ZNF783: variants seen among roughly 807,000 people sequenced by gnomAD.
The protein encoded by ZNF783 is protein ZNF783.
Under a neutral mutation model 31.3 loss-of-function variants are expected in ZNF783, and 25 were observed. That is an observed-to-expected ratio of 0.80 (90% CI 0.58 to 1.11). The LOEUF is 1.11. ZNF783 is among the 50% of genes most tolerant of loss of function. The probability of loss-of-function intolerance (pLI) is 0.00; values close to 1 mark genes in which losing one functional copy is unlikely to be tolerated. For synonymous variants in ZNF783, 369 were observed against 319.1 expected (o/e 1.16, Z -1.66); for missense variants, 797 against 760.0 (o/e 1.05, Z -0.57).
Position 149,266,532 on chromosome 7 carries a change from C to G in ZNF783, c.222C>G (p.Ala74=), listed in dbSNP as rs367827730. ...CTCTGGAGGGGCGCACGGGGACAGC[C>G]GAGAAGAAGCTGGCCGACTGCGAGA... is the stretch of plus-strand genomic sequence containing the variant. ...LLTLEGRTGT[A]EKKLADCEKT... is the part of the protein sequence containing the mutation. The change falls in exon 2 of 6, where the codon GCC becomes GCG. Residue 74 remains alanine, a synonymous_variant. Coordinates refer to ENST00000434415, the MANE Select transcript of ZNF783 (RefSeq NM_001195220.2). The G allele has an allele frequency of 6.2e-7, 1 of 1,613,978 alleles. No individual in the cohort carries two copies. Among genetic ancestry groups the G allele is most frequent in the Non-Finnish European group, 8.5e-7 (1 of 1,179,926 alleles).
intron 4 of ZNF783, among the ~76,000 whole-genome samples, chr7:149,272,074 G>A (rs945783133): frequency 7.9e-5 from 12 of 152,182 alleles, no homozygotes; most frequent in Non-Finnish European, 1.8e-4. Flanking sequence ...CTGGAGTGCA[G>A]TGGCACGATC....
chr7:149,266,518 C>A lies in ZNF783; in HGVS notation c.208C>A (p.Arg70Ser), dbSNP rs371590702. The part of the protein sequence containing the change: ...CLTRLLTLEG[R>S]TGTAEKKLAD... ...GACCCGCTTGCTGACTCTGGAGGGGCGCACGGGGACAGCCGAGAAGAAGCT... is the reference window on the plus strand; with the variant it reads ...GACCCGCTTGCTGACTCTGGAGGGGAGCACGGGGACAGCCGAGAAGAAGCT... Residue 70 changes from arginine to serine, a missense_variant, in exon 2 of 6, where the codon CGC becomes AGC. Physicochemically the swap from Arg to Ser is moderately radical, Grantham distance 110 (BLOSUM62 -1). Coordinates refer to ENST00000434415, the MANE Select transcript of ZNF783 (RefSeq NM_001195220.2). 2 of 1,614,004 alleles carry A rather than the reference C, an allele frequency of 1.2e-6. No homozygotes were observed. The highest frequency in any genetic ancestry group is 8.5e-7 in the Non-Finnish European group (1 of 1,180,030).
At chr7:149,280,264 T>C (rs916962848) in intron 5 of ZNF783, among the ~76,000 whole-genome samples, 2 of 152,202 alleles carry the variant, frequency 1.3e-5, no homozygotes, top group African/African-American at 4.8e-5. Flanking sequence ...CAGCATTTTA[T>C]CTTTGATTAA....
At position 149,278,186 on chromosome 7, in the gene ZNF783, A is replaced by C. The variant is rs956929806; in HGVS notation, c.674-213A>C. The C allele has an allele frequency of 8.1e-6, 11 of 1,351,462 alleles. No individual in the cohort carries two copies. In the Admixed American group the frequency reaches 2.4e-4, roughly 30 times the overall value. The allele number at this position is 1,351,462 out of a possible 1,614,324, so 83.7% of individuals were successfully genotyped here. A position where few individuals can be genotyped will look rare whatever the true frequency, so the allele number is the denominator to read the frequency against. On this transcript the variant is annotated intron_variant, in intron 4 of 5. Coordinates refer to ENST00000434415, the MANE Select transcript of ZNF783 (RefSeq NM_001195220.2). ...CATTACCGTGATTTCCTGTCTGCTG[A>C]ATTCCTGTGCTGCAGTTTCCTTCTG...
Position 149,282,071 on chromosome 7 carries a change from C to T in ZNF783, c.1369C>T (p.Leu457=), listed in dbSNP as rs753475777. 6 of 1,596,022 alleles carry T rather than the reference C, an allele frequency of 3.8e-6. No individual in the cohort carries two copies. The highest frequency in any genetic ancestry group is 2.2e-5 in the East Asian group (1 of 44,790). The change falls in exon 6 of 6, where the codon CTG becomes TTG. Residue 457 remains leucine, a synonymous_variant. Coordinates refer to ENST00000434415, the MANE Select transcript of ZNF783 (RefSeq NM_001195220.2). ...QRKSLLLHQR[L]HTGNGQGWPA... ...CAAGAGCCTGCTGCTGCACCAGCGC[C>T]TGCACACCGGCAATGGCCAGGGCTG... is the stretch of plus-strand genomic sequence containing the variant.
At position 149,266,904 on chromosome 7, in the gene ZNF783, A is replaced by G. The variant is rs1179622042; in HGVS notation, c.506A>G (p.Lys169Arg). ...GAGGACTGGCAGAAGGAGCTCTACA[A>G]GCACGTGATGAGGGGCAACTACGAG... Reference protein sequence around the residue: ...KLEDWQKELYKHVMRGNYETL... With the variant: ...KLEDWQKELYRHVMRGNYETL... Residue 169 changes from lysine to arginine, a missense_variant, in exon 3 of 6, where the codon AAG (lysine) becomes AGG (arginine). Lys to Arg is a conservative substitution (Grantham distance 26). Coordinates refer to ENST00000434415, the MANE Select transcript of ZNF783 (RefSeq NM_001195220.2). 2 of 1,613,968 alleles carry G rather than the reference A, an allele frequency of 1.2e-6. No homozygotes were observed. The highest frequency in any genetic ancestry group is 1.3e-5 in the African/African-American group (1 of 74,890).
Position 149,270,972 on chromosome 7 carries a change from G to A in ZNF783, c.673+3750G>A, listed in dbSNP as rs930188566. Among the ~76,000 whole-genome samples the A allele has an allele frequency of 3.9e-5, 6 of 152,192 alleles. No individual in the cohort carries two copies. The East Asian group carries it at 9.6e-4, about 24-fold the overall frequency. On this transcript the variant is annotated intron_variant, in intron 4 of 5. Transcript: ENST00000434415. ...TTCTTTGGTTTTTTTTCTTGAGACG[G>A]AGCCTCGCTCTGTCGCCCAGGCTGG...
At position 149,282,150 on chromosome 7, in the gene ZNF783, G is replaced by A. The variant is rs1471611511; in HGVS notation, c.1448G>A (p.Arg483Gln). Reference sequence around the variant, plus strand: ...TTCCGCCGGCCCTCGGACCTCTTCCGGCACCAGCGCATCCACACCGGTGAG... The same window carrying A: ...TTCCGCCGGCCCTCGGACCTCTTCCAGCACCAGCGCATCCACACCGGTGAG... Reference protein sequence around the residue: ...KAFRRPSDLFRHQRIHTGERP... With the variant: ...KAFRRPSDLFQHQRIHTGERP... Residue 483 changes from arginine (R) to glutamine (Q), a missense_variant, in exon 6 of 6, where the codon CGG (arginine) becomes CAG (glutamine). Physicochemically the swap from Arg to Gln is conservative, Grantham distance 43 (BLOSUM62 1). Coordinates refer to ENST00000434415, the MANE Select transcript of ZNF783 (RefSeq NM_001195220.2). The A allele has an allele frequency of 1.2e-6, 2 of 1,600,426 alleles. No homozygotes were observed. Among genetic ancestry groups the A allele is most frequent in the Admixed American group, 3.3e-5 (2 of 59,960 alleles).
chr7:149,275,461 CAT>C (rs1797306298), intron 4 of ZNF783, among the ~76,000 whole-genome samples: 2 of 151,504 alleles, frequency 1.3e-5, no homozygotes, highest in Non-Finnish European at 2.9e-5. Context: ...TACAGGCACC[CAT>C]GACCACGCCC....
Position 149,282,489 on chromosome 7 carries a change from G to C in ZNF783, c.*146G>C. On this transcript the variant is annotated 3_prime_UTR_variant, in exon 6 of 6. Transcript: ENST00000434415. ...CTGCCCTTCTGGTGACATTGTGTGTGACCGGGTGCTTTCTGTTTCCTGTTT... is the reference window on the plus strand; with the variant it reads ...CTGCCCTTCTGGTGACATTGTGTGTCACCGGGTGCTTTCTGTTTCCTGTTT... The C allele has an allele frequency of 1.4e-6, 1 of 712,836 alleles. No homozygotes were observed. The highest frequency in any genetic ancestry group is 2.2e-6 in the Non-Finnish European group (1 of 453,212). The allele number at this position is 712,836 out of a possible 1,614,324, so 44.2% of individuals were successfully genotyped here. A position where few individuals can be genotyped will look rare whatever the true frequency, so the allele number is the denominator to read the frequency against.
At chr7:149,273,670 A>G (rs2129524991) in intron 4 of ZNF783, among the ~76,000 whole-genome samples, 1 of 152,008 alleles carries the variant, frequency 6.6e-6, no homozygotes, top group Non-Finnish European at 1.5e-5. Context: ...CAGCCTCCCA[A>G]GTAGCTGGGA....
intron 4 of ZNF783, among the ~76,000 whole-genome samples, chr7:149,268,198 A>G (rs563579196): frequency 2.1e-4 from 32 of 152,340 alleles, no homozygotes; most frequent in Admixed American, 2.6e-4. Flanking sequence ...TTCCTGAACA[A>G]TGACCACATA....
chr7:149,265,387 T>C (rs916552810), intron 1 of ZNF783, among the ~76,000 whole-genome samples: 2 of 152,220 alleles, frequency 1.3e-5, no homozygotes, highest in African/African-American at 4.8e-5. Flanking sequence ...ATTTATACCA[T>C]ATCCCTGAGC....
intron 1 of ZNF783, 65 bp downstream of exon 1, chr7:149,262,422 G>C: frequency 1.7e-6 from 2 of 1,189,514 alleles, no homozygotes; most frequent in Non-Finnish European, 1.0e-6. Flanking sequence ...GCCCGCGCGA[G>C]GGACTCTGGC....
rs1797382130 is a variant in ZNF783, at chr7:149,278,389, C to T, written c.674-10C>T. 1 of 1,598,954 alleles carries T rather than the reference C, an allele frequency of 6.3e-7. No homozygotes were observed. The highest frequency in any genetic ancestry group is 8.5e-7 in the Non-Finnish European group (1 of 1,179,608). The stretch of plus-strand genomic sequence containing the variant: ...TGTTGTGCTCAATGTCACTGATTTA[C>T]ATTCTCCAGGCCTCCCTCCGTATCC... On this transcript the variant is annotated splice_polypyrimidine_tract_variant and intron_variant, in intron 4 of 5. Coordinates refer to ENST00000434415, the MANE Select transcript of ZNF783 (RefSeq NM_001195220.2).
intron 1 of ZNF783, 128 bp downstream of exon 1, chr7:149,262,485 C>A: frequency 3.7e-6 from 3 of 803,702 alleles, no homozygotes; most frequent in Non-Finnish European, 4.8e-6. Context: ...GCGCTCGTTG[C>A]CCCCGGCCCA....
intron 1 of ZNF783, among the ~76,000 whole-genome samples, chr7:149,264,982 GGGGGAGAAGGCTGGAAGT>G (rs1797030878): frequency 1.3e-5 from 2 of 151,602 alleles, no homozygotes; most frequent in African/African-American, 4.8e-5. Flanking sequence ...GGCTGGAAGT[GGGGGAGAAGGCTGGAAGT>G]GGGGGAGAAG....
rs1162457571 is a variant in ZNF783 at position 149,281,594 on chromosome 7, G to A, written c.892G>A (p.Glu298Lys). 1 of 1,539,496 alleles carries A rather than the reference G, an allele frequency of 6.5e-7. No homozygotes were observed. The highest frequency in any genetic ancestry group is 8.7e-7 in the Non-Finnish European group (1 of 1,155,450). ...LFLGVSRGQT[E>K]CRIPRGPRNR... ...TCTGGGGGTGTCCCGAGGCCAGACC[G>A]AGTGTAGAATCCCCCGAGGGCCCAG... Residue 298 changes from glutamate (E) to lysine (K), a missense_variant, in exon 6 of 6, where the codon GAG (glutamate) becomes AAG (lysine). By Grantham distance (56) the Glu-to-Lys change is moderately conservative (BLOSUM62 1). Coordinates refer to ENST00000434415, the MANE Select transcript of ZNF783 (RefSeq NM_001195220.2).
Position 149,281,842 on chromosome 7 carries a change from C to G in ZNF783, c.1140C>G (p.Pro380=). The change falls in exon 6 of 6, where the codon CCC becomes CCG. Residue 380 remains proline, a synonymous_variant. Coordinates refer to ENST00000434415, the MANE Select transcript of ZNF783 (RefSeq NM_001195220.2). The stretch of plus-strand genomic sequence containing the variant: ...TGGAGGAGGGGCGGCAGGAGGCCCC[C>G]GGCCGCTCGCCCACCAGCTGCGGGG... The part of the protein sequence containing the change: ...THVEEGRQEA[P]GRSPTSCGDS... 1 of 1,496,394 alleles carries G rather than the reference C, an allele frequency of 6.7e-7. No homozygotes were observed. The highest frequency in any genetic ancestry group is 8.8e-7 in the Non-Finnish European group (1 of 1,132,484). The allele number at this position is 1,496,394 out of a possible 1,614,324, so 92.7% of individuals were successfully genotyped here.
Sources: allele counts gnomAD v4.1 joint callset (sites outside exome capture counted in the v4.1 genomes callset), GRCh38; gene constraint gnomAD v4.1.1; transcripts MANE v1.5; gene names NCBI Gene and HGNC (gene_info 2026-07-23, HGNC 2026-07-21).